The following NCALD variants were observed in gnomAD, a reference collection of about 807,000 sequenced individuals.
The protein encoded by NCALD is neurocalcin-delta.
Under a neutral mutation model 18.6 loss-of-function variants are expected in NCALD, and 10 were observed. That is an observed-to-expected ratio of 0.54 (90% confidence interval 0.33 to 0.91). NCALD has a LOEUF of 0.91. Among genes scored for constraint, NCALD ranks in the 40% least tolerant of loss-of-function variants. The pLI, the probability that NCALD is intolerant of heterozygous loss-of-function variation, is 0.03. For missense variants in NCALD, 184 were observed against 247.6 expected (o/e 0.74, Z 1.72); for synonymous variants, 88 against 87.4 (o/e 1.01, Z -0.04).
rs371595928 is a variant in NCALD, at chr8:102,024,857, T to C, written c.-209-4568A>G. Among the ~76,000 whole-genome samples, 68 of 152,308 alleles carry C rather than the reference T, an allele frequency of 4.5e-4. 2 individuals are homozygous for C. In the South Asian group the frequency reaches 0.014, roughly 31 times the overall value. On this transcript the variant is annotated intron_variant, in intron 1 of 6. Transcript: ENST00000311028. Reference sequence around the variant, plus strand: ...CCCTTCAGTGGCTCCCTGCTGCTTCTAAGAAGAACTCAAAATTCAACACAA... The same window carrying C: ...CCCTTCAGTGGCTCCCTGCTGCTTCCAAGAAGAACTCAAAATTCAACACAA...
rs112816793 is a variant in NCALD at position 101,805,156 on chromosome 8, C to T, written c.-20+81985G>A. Among the ~76,000 whole-genome samples the T allele has an allele frequency of 5.7e-3, 869 of 152,236 alleles. 10 individuals carry two copies. Among genetic ancestry groups the T allele is most frequent in the African/African-American group, 0.018 (763 of 41,550 alleles). ...GGCATATAGACAATGCAGAAACATT[C>T]ATTCAAGAAAATATACTAAAACTCT... On this transcript the variant is annotated intron_variant, in intron 4 of 6. Transcript: ENST00000311028.
intron 2 of NCALD, among the ~76,000 whole-genome samples, chr8:101,940,078 G>T (rs1032079719): frequency 4.6e-5 from 7 of 152,190 alleles, no homozygotes; most frequent in African/African-American, 1.7e-4. Flanking sequence ...TCTTTTCAAG[G>T]TTAAAGTTGT....
intron 1 of NCALD, among the ~76,000 whole-genome samples, chr8:102,119,026 AC>A (rs1825870544): frequency 6.6e-6 from 1 of 152,208 alleles, no homozygotes; most frequent in African/African-American, 2.4e-5. Context: ...TTCCTCCAAA[AC>A]TTAAACACAG....
intron 2 of NCALD, among the ~76,000 whole-genome samples, chr8:101,996,686 T>G (rs1466976586): frequency 6.6e-6 from 1 of 151,896 alleles, no homozygotes; most frequent in African/African-American, 2.4e-5. Context: ...AAACTAACGG[T>G]GGAAAAGGAA....
intron 2 of NCALD, among the ~76,000 whole-genome samples, chr8:101,953,193 C>T (rs936270927): frequency 1.9e-4 from 29 of 152,134 alleles, no homozygotes; most frequent in Admixed American, 3.3e-4. Context: ...GTGGCTCACC[C>T]CCGTCACCCA....
At chr8:101,704,487 T>C (rs1164999997) in intron 2 of NCALD, among the ~76,000 whole-genome samples, 1 of 152,100 alleles carries the variant, frequency 6.6e-6, no homozygotes, top group Non-Finnish European at 1.5e-5. Context: ...CGCGGTGACT[T>C]CTGGTATCTG....
intron 2 of NCALD, among the ~76,000 whole-genome samples, chr8:101,925,525 T>G (rs938834955): frequency 6.6e-6 from 1 of 152,182 alleles, no homozygotes; most frequent in Non-Finnish European, 1.5e-5. Context: ...CATTAGCACT[T>G]GGCTCATTAG....
chr8:102,066,339 G>A (rs1415204216), intron 1 of NCALD, among the ~76,000 whole-genome samples: 3 of 152,172 alleles, frequency 2.0e-5, no homozygotes, highest in South Asian at 4.1e-4. Context: ...ATCAGCATAC[G>A]CTTTTTACCC....
At chr8:102,020,752 A>C (rs1262355847) in intron 1 of NCALD, among the ~76,000 whole-genome samples, 1 of 152,182 alleles carries the variant, frequency 6.6e-6, no homozygotes, top group Non-Finnish European at 1.5e-5. Context: ...CTGTGGATAA[A>C]AGCCAAACTC....
At chr8:101,707,697 T>G (rs1389434350) in intron 2 of NCALD, among the ~76,000 whole-genome samples, 1 of 152,072 alleles carries the variant, frequency 6.6e-6, no homozygotes, top group Non-Finnish European at 1.5e-5. Context: ...GAGAGAAAGT[T>G]TGACTCTAAA....
At chr8:102,038,725 A>C (rs563032557) in intron 1 of NCALD, among the ~76,000 whole-genome samples, 2 of 152,204 alleles carry the variant, frequency 1.3e-5, no homozygotes, top group African/African-American at 4.8e-5. Context: ...ACACAAGCAC[A>C]GTGGGCAGAA....
chr8:102,023,691 G>A (rs2132111119), intron 1 of NCALD, among the ~76,000 whole-genome samples: 1 of 152,286 alleles, frequency 6.6e-6, no homozygotes, highest in African/African-American at 2.4e-5. Flanking sequence ...CTAGGAAAGG[G>A]GCTTTCCAGT....
rs1176231100 is a variant in NCALD, at chr8:101,772,511, T to G, written c.-20+18351A>C. On this transcript the variant is annotated intron_variant, in intron 1 of 3. Transcript: ENST00000220931. ...GGAGGCAGAGAACAAAACAACTCTCTACCTGTTCTCTAGCATGCTATTCCT... is the reference window on the plus strand; with the variant it reads ...GGAGGCAGAGAACAAAACAACTCTCGACCTGTTCTCTAGCATGCTATTCCT... 3.9e-5 allele frequency among the ~76,000 whole-genome samples: 6 copies of G among 152,190 alleles called. No individual in the cohort carries two copies. The East Asian group carries it at 1.2e-3, about 29-fold the overall frequency.
chr8:102,085,588 C>T (rs112495241), intron 1 of NCALD, among the ~76,000 whole-genome samples: 9,326 of 84,942 alleles, frequency 0.11, 424 homozygotes, highest in Non-Finnish European at 0.14. Context: ...AACCCAGTCT[C>T]TACTAAAAAT....
intron 2 of NCALD, among the ~76,000 whole-genome samples, chr8:102,011,273 C>T (rs1369306284): frequency 1.3e-5 from 2 of 152,210 alleles, no homozygotes; most frequent in South Asian, 2.1e-4. Flanking sequence ...ACGTTATGAA[C>T]TCTCCATAGA....
intron 2 of NCALD, among the ~76,000 whole-genome samples, chr8:101,715,623 GA>G (rs1268695105): frequency 6.6e-6 from 1 of 151,728 alleles, no homozygotes; most frequent in East Asian, 1.9e-4. Flanking sequence ...AAATTTACAA[GA>G]AAAAAACAAC....
intron 4 of NCALD, among the ~76,000 whole-genome samples, chr8:101,808,962 C>T (rs1374665050): frequency 6.6e-6 from 1 of 152,118 alleles, no homozygotes; most frequent in Non-Finnish European, 1.5e-5. Context: ...TAAGATACCA[C>T]TATTACATGC....
At chr8:102,082,669 G>C (rs1292289075) in intron 1 of NCALD, among the ~76,000 whole-genome samples, 1 of 152,118 alleles carries the variant, frequency 6.6e-6, no homozygotes, top group Admixed American at 6.5e-5. Flanking sequence ...CTTTATGTTA[G>C]AGCATCAGGA....
At chr8:101,982,710 ACAC>A (rs1820667136) in intron 2 of NCALD, among the ~76,000 whole-genome samples, 1 of 152,036 alleles carries the variant, frequency 6.6e-6, no homozygotes, top group African/African-American at 2.4e-5. Context: ...GTGTGGTGGC[ACAC>A]GCCTGTAGTC....
Sources: allele counts gnomAD v4.1 joint callset (sites outside exome capture counted in the v4.1 genomes callset), GRCh38; gene constraint gnomAD v4.1.1; transcripts MANE v1.5; gene names NCBI Gene and HGNC (gene_info 2026-07-23, HGNC 2026-07-21).